The following KCNIP1 variants were observed in gnomAD, a reference collection of about 807,000 sequenced individuals.
KCNIP1 encodes the protein A-type potassium channel modulatory protein KCNIP1.
KCNIP1 carries 18 observed loss-of-function variants against 33.0 expected under a neutral mutation model. The observed-to-expected ratio is 0.55, with a 90% confidence interval of 0.38 to 0.81. The LOEUF (loss-of-function observed/expected upper bound fraction) is 0.81. KCNIP1 is among the 30% of genes least tolerant of loss of function. The pLI is 0.00. For missense variants in KCNIP1, 238 were observed against 271.6 expected, an observed-to-expected ratio of 0.88 and a Z score of 0.87; for synonymous variants, 93 against 98.3, an observed-to-expected ratio of 0.95 and a Z score of 0.32.
chr5:170,363,288 T>A (rs11742509), intron 1 of KCNIP1, among the ~76,000 whole-genome samples: 2 of 152,152 alleles, frequency 1.3e-5, no homozygotes, highest in African/African-American at 4.8e-5. Flanking sequence ...TGTCACAGAC[T>A]GAATTGTGTC....
chr5:170,695,514 T>C (rs1222321831), intron 1 of KCNIP1, among the ~76,000 whole-genome samples: 1 of 152,256 alleles, frequency 6.6e-6, no homozygotes, highest in Admixed American at 6.5e-5. Context: ...GATTTTGCAC[T>C]GTATATTCAT....
intron 1 of KCNIP1, among the ~76,000 whole-genome samples, chr5:170,663,300 C>G (rs1372379790): frequency 6.6e-6 from 1 of 152,176 alleles, no homozygotes; most frequent in Non-Finnish European, 1.5e-5. Flanking sequence ...CCCACACTTG[C>G]TTATTCCAAC....
chr5:170,408,293 G>A (rs1755089716), intron 1 of KCNIP1, among the ~76,000 whole-genome samples: 2 of 152,218 alleles, frequency 1.3e-5, no homozygotes, highest in Admixed American at 1.3e-4. Flanking sequence ...GCTCGTAAGA[G>A]CCTCAGTTAG....
intron 1 of KCNIP1, among the ~76,000 whole-genome samples, chr5:170,672,167 C>A (rs1192103447): frequency 6.6e-6 from 1 of 152,182 alleles, no homozygotes; most frequent in African/African-American, 2.4e-5. Flanking sequence ...GCACTGGAAA[C>A]AAAATGCAAG....
intron 1 of KCNIP1, among the ~76,000 whole-genome samples, chr5:170,366,638 T>A (rs531034773): frequency 6.6e-6 from 1 of 152,204 alleles, no homozygotes; most frequent in East Asian, 1.9e-4. Flanking sequence ...AGCGTGAGAC[T>A]CCTCCAAATG....
chr5:170,550,320 G>A (rs1756561719), intron 1 of KCNIP1, among the ~76,000 whole-genome samples: 1 of 152,200 alleles, frequency 6.6e-6, no homozygotes, highest in Non-Finnish European at 1.5e-5. Context: ...GAAACTGGGT[G>A]GTTTTTAAGG....
intron 1 of KCNIP1, among the ~76,000 whole-genome samples, chr5:170,522,179 A>G (rs1755388638): frequency 6.6e-6 from 1 of 152,228 alleles, no homozygotes; most frequent in Admixed American, 6.5e-5. Context: ...CTCAAGGACC[A>G]GAGGTCAGCT....
Position 170,735,776 on chromosome 5 carries a change from G to T in KCNIP1, c.621G>T (p.Arg207Ser), listed in dbSNP as rs770661722. ...ESCQEDDNIM[R>S]SLQLFQNVM Reference sequence around the variant, plus strand: ...TTTCCCAGGACGACAACATCATGAGGTCTCTCCAGCTGTTTCAAAATGTCA... The same window carrying T: ...TTTCCCAGGACGACAACATCATGAGTTCTCTCCAGCTGTTTCAAAATGTCA... The change falls in exon 8 of 8, where the codon AGG becomes AGT. Residue 207 changes from arginine to serine, a missense_variant. By Grantham distance (110) the Arg-to-Ser change is moderately radical. Coordinates refer to ENST00000328939, the MANE Select transcript of KCNIP1 (RefSeq NM_014592.4). 3.0e-5 allele frequency: 48 copies of T among 1,614,020 alleles called. No homozygotes were observed. The highest frequency in any genetic ancestry group is 1.6e-4 in the Middle Eastern group (1 of 6,062).
At chr5:170,465,874 A>G (rs1287763415) in intron 1 of KCNIP1, among the ~76,000 whole-genome samples, 2 of 152,244 alleles carry the variant, frequency 1.3e-5, no homozygotes, top group African/African-American at 4.8e-5. Flanking sequence ...AACTGAAAGA[A>G]GACCAATGTT....
At chr5:170,475,346 T>C (rs78821529) in intron 1 of KCNIP1, among the ~76,000 whole-genome samples, 4,710 of 152,300 alleles carry the variant, frequency 0.031, 256 homozygotes, top group African/African-American at 0.11. Context: ...GACCAGCTCC[T>C]GCGTGCCAGG....
At chr5:170,366,278 C>G (rs917838014) in intron 1 of KCNIP1, among the ~76,000 whole-genome samples, 2 of 152,184 alleles carry the variant, frequency 1.3e-5, no homozygotes, top group African/African-American at 4.8e-5. Flanking sequence ...AAAACCTTGT[C>G]TTTGTATAGA....
chr5:170,571,187 C>T (rs576975010), intron 1 of KCNIP1, among the ~76,000 whole-genome samples: 2 of 152,240 alleles, frequency 1.3e-5, no homozygotes, highest in African/African-American at 2.4e-5. Flanking sequence ...CCTCTTCCCC[C>T]ACATTGTCTT....
At chr5:170,694,032 G>A (rs1207092947) in intron 1 of KCNIP1, among the ~76,000 whole-genome samples, 2 of 152,140 alleles carry the variant, frequency 1.3e-5, no homozygotes, top group African/African-American at 2.4e-5. Flanking sequence ...TGGCCCCTCC[G>A]GGATGACAGG....
intron 1 of KCNIP1, among the ~76,000 whole-genome samples, chr5:170,394,527 A>G (rs1163332317): frequency 6.6e-6 from 1 of 152,218 alleles, no homozygotes; most frequent in African/African-American, 2.4e-5. Flanking sequence ...TCATTTTCCC[A>G]TGCCATGAAA....
At chr5:170,389,680 T>A (rs1392669838) in intron 1 of KCNIP1, 1 of 152,204 alleles carries the variant, frequency 6.6e-6, no homozygotes, top group African/African-American at 2.4e-5. Context: ...ATGATTCTCC[T>A]TTTGTTGGCA....
intron 1 of KCNIP1, among the ~76,000 whole-genome samples, chr5:170,401,953 G>A (rs566229329): frequency 2.0e-4 from 31 of 152,202 alleles, no homozygotes; most frequent in Admixed American, 1.9e-3. Flanking sequence ...TCAAAATCAA[G>A]CTGTCAGCAG....
chr5:170,721,717 TC>T, intron 3 of KCNIP1, 115 bp from the exon 4 acceptor site: 1 of 1,611,838 alleles, frequency 6.2e-7, no homozygotes, highest in Non-Finnish European at 8.5e-7. Flanking sequence ...TTTTCTCCTT[TC>T]CATCACCCTA....
chr5:170,631,998 C>T (rs570162764), intron 1 of KCNIP1, among the ~76,000 whole-genome samples: 16 of 152,320 alleles, frequency 1.1e-4, no homozygotes, highest in African/African-American at 3.4e-4. Context: ...GTGTCCAGGA[C>T]GATTTGCCAC....
chr5:170,714,163 G>A (rs1763559545), intron 1 of KCNIP1, among the ~76,000 whole-genome samples: 1 of 152,216 alleles, frequency 6.6e-6, no homozygotes, highest in South Asian at 2.1e-4. Context: ...TCACTGGCGA[G>A]AAGACCCAAG....
Sources: allele counts gnomAD v4.1 joint callset (sites outside exome capture counted in the v4.1 genomes callset), GRCh38; gene constraint gnomAD v4.1.1; transcripts MANE v1.5; gene names NCBI Gene and HGNC (gene_info 2026-07-23, HGNC 2026-07-21).